The following NF1 variants were observed in gnomAD, a reference collection of about 807,000 sequenced individuals.
NF1 encodes neurofibromin.
A neutral mutation model predicts 325.7 loss-of-function variants in NF1; 122 were observed. The ratio of observed to expected loss-of-function variants is 0.37; its 90% CI spans 0.32 to 0.44. The LOEUF (loss-of-function observed/expected upper bound fraction) is 0.44, where lower values mean the gene tolerates loss of function less well. Among genes scored for constraint, NF1 ranks in the 20% least tolerant of loss-of-function variants. The probability of loss-of-function intolerance (pLI) is 1.00; values close to 1 mark genes in which losing one functional copy is unlikely to be tolerated. For synonymous variants in NF1, 1,091 were observed against 1,186.0 expected, an observed-to-expected ratio of 0.92 and a Z score of 1.65; for missense variants, 2,140 against 3,415.4, an observed-to-expected ratio of 0.63 and a Z score of 9.31.
At chr17:31,293,454 A>G (rs1216857573) in intron 36 of NF1, among the ~76,000 whole-genome samples, 3 of 152,302 alleles carry the variant, frequency 2.0e-5, no homozygotes, top group South Asian at 2.1e-4. Flanking sequence ...CAGTGAGCCA[A>G]TCAGGTTTGC....
At chr17:31,305,300 A>T (rs767820560) in intron 36 of NF1, 1 of 1,614,106 alleles carries the variant, frequency 6.2e-7, no homozygotes, top group East Asian at 2.2e-5. Flanking sequence ...TTGGTGTTGT[A>T]GGCAAGTGGT....
chr17:31,153,319 G>T (rs1000135422), intron 1 of NF1, among the ~76,000 whole-genome samples: 2 of 152,186 alleles, frequency 1.3e-5, no homozygotes, highest in Non-Finnish European at 1.5e-5. Context: ...TACATGTGAC[G>T]ACTAGTGGCT....
intron 8 of NF1, among the ~76,000 whole-genome samples, chr17:31,187,068 T>C (rs546855581): frequency 2.0e-3 from 297 of 152,302 alleles, no homozygotes; most frequent in African/African-American, 6.8e-3. Context: ...TCTGCCAAGA[T>C]TACCATGCAT....
chr17:31,173,794 T>TAC (rs2065972666), intron 5 of NF1, among the ~76,000 whole-genome samples: 1 of 152,146 alleles, frequency 6.6e-6, no homozygotes, highest in African/African-American at 2.4e-5. Context: ...GAGGTATCAG[T>TAC]AGGATGTCCA....
intron 1 of NF1, among the ~76,000 whole-genome samples, chr17:31,130,074 G>GTT (rs201697638): frequency 0.046 from 5,922 of 128,778 alleles, 578 homozygotes; most frequent in African/African-American, 0.15. Context: ...TGAAGTCGCT[G>GTT]TTTTTTTTTG....
At chr17:31,228,167 G>A (rs559982496) in intron 20 of NF1, among the ~76,000 whole-genome samples, 1 of 152,212 alleles carries the variant, frequency 6.6e-6, no homozygotes, top group East Asian at 1.9e-4. Flanking sequence ...TTTAAAATGT[G>A]GACAGTTCAT....
At chr17:31,319,005 C>T (rs181555155) in intron 36 of NF1, 146 of 1,599,640 alleles carry the variant, frequency 9.1e-5, no homozygotes, top group Non-Finnish European at 5.9e-5. Context: ...GTTCCATGTC[C>T]GTGGGCATGC....
chr17:31,166,670 A>G (rs923768841), intron 4 of NF1, among the ~76,000 whole-genome samples: 2 of 152,044 alleles, frequency 1.3e-5, no homozygotes, highest in Non-Finnish European at 1.5e-5. Flanking sequence ...TTGTGCTGGT[A>G]GGTTTTTTTC....
At position 31,222,234 on chromosome 17, in the gene NF1, A is replaced by AT. The variant is rs1832030645; in HGVS notation, c.1721+309dup. On this transcript the variant is annotated intron_variant, in intron 15 of 57. Coordinates refer to ENST00000358273, the MANE Select transcript of NF1 (RefSeq NM_001042492.3). ...GTGGTTACTACTGTATTTTTAATAG[A>AT]TTTTCATAGTTATAAGCCTAGAATG... is the stretch of plus-strand genomic sequence containing the variant. 11 of 1,081,394 alleles carry AT rather than the reference A, an allele frequency of 1.0e-5. No individual in the cohort carries two copies. In the South Asian group the frequency reaches 4.4e-4, roughly 43 times the overall value. 67.0% of individuals were successfully genotyped at this position (1,081,394 alleles called of 1,614,324 possible). A position where few individuals can be genotyped will look rare whatever the true frequency, so the allele number is the denominator to read the frequency against.
intron 27 of NF1, among the ~76,000 whole-genome samples, chr17:31,234,375 A>G (rs1209885692): frequency 6.6e-6 from 1 of 152,140 alleles, no homozygotes; most frequent in Non-Finnish European, 1.5e-5. Context: ...AATTTTTTAA[A>G]TAAAGAATCA....
At chr17:31,321,839 A>G (rs1389251189) in intron 36 of NF1, 1 of 152,128 alleles carries the variant, frequency 6.6e-6, no homozygotes, top group African/African-American at 2.4e-5. Context: ...TTTTGACAGT[A>G]TGCTCATTCT....
chr17:31,256,154 A>T (rs554311172), intron 31 of NF1, among the ~76,000 whole-genome samples: 3 of 151,854 alleles, frequency 2.0e-5, no homozygotes, highest in Admixed American at 6.6e-5. Flanking sequence ...TTATTTATTT[A>T]TTTATTTTGA....
chr17:31,312,036 T>C (rs1360416913), intron 36 of NF1, among the ~76,000 whole-genome samples: 2 of 152,098 alleles, frequency 1.3e-5, no homozygotes, highest in Admixed American at 6.6e-5. Context: ...TTTAGTAAGT[T>C]TACTGAAAAT....
At chr17:31,184,973 G>T (rs1035533021) in intron 8 of NF1, among the ~76,000 whole-genome samples, 4 of 152,154 alleles carry the variant, frequency 2.6e-5, no homozygotes, top group African/African-American at 9.7e-5. Flanking sequence ...TGAAGCTGGG[G>T]ACTCTGAGTT....
intron 30 of NF1, chr17:31,251,490 A>T (rs2067493137): frequency 5.1e-6 from 1 of 195,296 alleles, no homozygotes. Flanking sequence ...TCAGATTTAT[A>T]ATTAAATCAT....
chr17:31,265,825 G>T (rs975947286), intron 36 of NF1, among the ~76,000 whole-genome samples: 1 of 152,084 alleles, frequency 6.6e-6, no homozygotes, highest in Non-Finnish European at 1.5e-5. Flanking sequence ...GCAAGGGGTG[G>T]CCTGGAAAAC....
chr17:31,236,589 G>A lies in NF1; in HGVS notation c.3974+568G>A, dbSNP rs150162613. Among the ~76,000 whole-genome samples, 1,439 of 150,618 alleles carry A rather than the reference G, an allele frequency of 9.6e-3. 24 individuals are homozygous for A. The highest frequency in any genetic ancestry group is 0.033 in the African/African-American group (1,351 of 40,702). ...TGAGTAGCTGGGATTACAGGTGTGC[G>A]CCACCACGCCCAGGTAATTTTTTTT... On this transcript the variant is annotated intron_variant, in intron 29 of 57. Transcript: ENST00000358273.
At chr17:31,192,008 A>G (rs1469692467) in intron 8 of NF1, among the ~76,000 whole-genome samples, 1 of 152,146 alleles carries the variant, frequency 6.6e-6, no homozygotes, top group African/African-American at 2.4e-5. Context: ...CAGAGCAGTA[A>G]TCCTACATTT....
intron 1 of NF1, among the ~76,000 whole-genome samples, chr17:31,145,794 A>G (rs1327588028): frequency 1.3e-5 from 2 of 152,210 alleles, no homozygotes; most frequent in African/African-American, 4.8e-5. Context: ...CAAAAGAAGT[A>G]TCATGAAGAT....
Sources: gnomAD v4.1 joint callset for allele counts (sites outside exome capture counted in the v4.1 genomes callset) on GRCh38, gnomAD v4.1.1 for gene constraint, MANE v1.5 for transcripts, NCBI Gene and HGNC (gene_info 2026-07-23, HGNC 2026-07-21) for gene names.